Variants in CDH20 observed in about 807,000 individuals in gnomAD.
CDH20 encodes the protein cadherin 20, also known as cadherin-20.
Under a neutral mutation model 74.2 loss-of-function variants are expected in CDH20, and 29 were observed. That is an observed-to-expected ratio of 0.39 (90% CI 0.29 to 0.53). The LOEUF (loss-of-function observed/expected upper bound fraction) is 0.53. CDH20 is among the 20% of genes least tolerant of loss of function. CDH20 has a pLI of 0.69. For missense variants in CDH20, 988 were observed against 1,048.3 expected, an observed-to-expected ratio of 0.94 and a Z score of 0.79; for synonymous variants, 469 against 405.4, an observed-to-expected ratio of 1.16 and a Z score of -1.88.
intron 1 of CDH20, among the ~76,000 whole-genome samples, chr18:61,414,815 G>T (rs562284268): frequency 6.6e-6 from 1 of 151,834 alleles, no homozygotes; most frequent in South Asian, 2.1e-4. Flanking sequence ...ATTTATAATT[G>T]GATAGAATAT....
At chr18:61,529,092 A>C (rs1312222742) in intron 7 of CDH20, among the ~76,000 whole-genome samples, 1 of 152,210 alleles carries the variant, frequency 6.6e-6, no homozygotes, top group Non-Finnish European at 1.5e-5. Context: ...ACCAAAGTGC[A>C]AATAGTTGAT....
At chr18:61,498,463 G>C (rs911531273) in intron 2 of CDH20, among the ~76,000 whole-genome samples, 4 of 150,908 alleles carry the variant, frequency 2.7e-5, no homozygotes, top group African/African-American at 9.7e-5. Flanking sequence ...TCAGATAAAA[G>C]CATGTCCCTA....
At chr18:61,552,175 GTT>G (rs35819952) in intron 11 of CDH20, among the ~76,000 whole-genome samples, 113,168 of 149,990 alleles carry the variant, frequency 0.75, 42,951 homozygotes, top group East Asian at 0.87. Context: ...GACTTCCTGG[GTT>G]TTTTTTTTTC....
chr18:61,489,062 A>C (rs653271), intron 1 of CDH20, among the ~76,000 whole-genome samples: 11 of 152,258 alleles, frequency 7.2e-5, no homozygotes, highest in Non-Finnish European at 1.6e-4. Context: ...GCTGGAGCTC[A>C]TAAGAGGCAC....
At chr18:61,360,422 G>A (rs1258288392) in intron 1 of CDH20, among the ~76,000 whole-genome samples, 2 of 152,128 alleles carry the variant, frequency 1.3e-5, no homozygotes, top group Non-Finnish European at 2.9e-5. Context: ...AATACAAAAT[G>A]AAAGACCCAA....
intron 6 of CDH20, among the ~76,000 whole-genome samples, chr18:61,510,858 T>C (rs1315460249): frequency 2.0e-5 from 3 of 152,152 alleles, no homozygotes; most frequent in Non-Finnish European, 4.4e-5. Context: ...TGTCATAGGT[T>C]CCCCTACTAT....
intron 1 of CDH20, among the ~76,000 whole-genome samples, chr18:61,401,257 A>G (rs1244146218): frequency 6.6e-6 from 1 of 152,222 alleles, no homozygotes; most frequent in Non-Finnish European, 1.5e-5. Flanking sequence ...TTAAATTCCC[A>G]ACCTATCCTT....
intron 1 of CDH20, among the ~76,000 whole-genome samples, chr18:61,347,549 A>C (rs1248203685): frequency 6.2e-5 from 9 of 144,148 alleles, no homozygotes; most frequent in African/African-American, 5.4e-5. Context: ...CAAAAAAAAA[A>C]CCACACACAC....
intron 1 of CDH20, among the ~76,000 whole-genome samples, chr18:61,410,808 AT>A (rs1479137376): frequency 6.6e-6 from 1 of 152,248 alleles, no homozygotes; most frequent in African/African-American, 2.4e-5. Context: ...ATATGTAAGT[AT>A]TTTTATAATC....
chr18:61,404,985 T>C, intron 1 of CDH20: 1 of 710,872 alleles, frequency 1.4e-6, no homozygotes, highest in Admixed American at 1.8e-5. Context: ...ATTGCCACTG[T>C]AGTGATGGAC....
At chr18:61,417,578 TAAAAAAAAA>T (rs545256689) in intron 1 of CDH20, among the ~76,000 whole-genome samples, 15 of 62,344 alleles carry the variant, frequency 2.4e-4, no homozygotes, top group Admixed American at 9.1e-4. Flanking sequence ...ATGTGGGAGC[TAAAAAAAAA>T]AAAAAAAAAA....
chr18:61,539,687 T>C (rs1912957948), intron 9 of CDH20, among the ~76,000 whole-genome samples: 1 of 152,164 alleles, frequency 6.6e-6, no homozygotes, highest in Non-Finnish European at 1.5e-5. Flanking sequence ...TCAAAATATC[T>C]TGCAGTAGGA....
intron 1 of CDH20, among the ~76,000 whole-genome samples, chr18:61,485,855 C>T (rs560874): frequency 0.99 from 150,776 of 152,046 alleles, 74,775 homozygotes; most frequent in Middle Eastern, 1. Flanking sequence ...GGGCGGATCA[C>T]GAGGTCAGGA....
intron 1 of CDH20, among the ~76,000 whole-genome samples, chr18:61,376,995 C>A (rs1006555922): frequency 6.6e-6 from 1 of 152,056 alleles, no homozygotes; most frequent in Non-Finnish European, 1.5e-5. Context: ...GCTGATACGA[C>A]CAGAAAAGTA....
At position 61,474,275 on chromosome 18, in the gene CDH20, C is replaced by T. The variant is rs149722758; in HGVS notation, c.-152-16127C>T. 7.2e-5 allele frequency among the ~76,000 whole-genome samples: 11 copies of T among 152,314 alleles called. No individual in the cohort carries two copies. The East Asian group carries it at 2.1e-3, about 29-fold the overall frequency. On this transcript the variant is annotated intron_variant, in intron 1 of 11. Coordinates refer to ENST00000262717, the MANE Select transcript of CDH20 (RefSeq NM_031891.4). Reference sequence around the variant, plus strand: ...CTGCCACTGATTAACACTGTCTTCCCTGTTCCTGGTTCCTAAAGAGATGCT... The same window carrying T: ...CTGCCACTGATTAACACTGTCTTCCTTGTTCCTGGTTCCTAAAGAGATGCT...
intron 1 of CDH20, among the ~76,000 whole-genome samples, chr18:61,463,608 C>A (rs963183396): frequency 1.3e-5 from 2 of 152,072 alleles, no homozygotes; most frequent in South Asian, 2.1e-4. Context: ...GGAGGCTGTG[C>A]GTTGGGGGAG....
At chr18:61,400,028 G>A (rs1912105434) in intron 1 of CDH20, among the ~76,000 whole-genome samples, 1 of 152,072 alleles carries the variant, frequency 6.6e-6, no homozygotes, top group African/African-American at 2.4e-5. Context: ...TTACCTTAGT[G>A]TCTAAAAATA....
chr18:61,481,062 C>T (rs1056404155), intron 1 of CDH20, among the ~76,000 whole-genome samples: 2 of 152,076 alleles, frequency 1.3e-5, no homozygotes, highest in East Asian at 1.9e-4. Context: ...ACTTTTCTAC[C>T]GTTTAAAAAT....
At chr18:61,378,253 T>C (rs1260055952) in intron 1 of CDH20, among the ~76,000 whole-genome samples, 1 of 152,206 alleles carries the variant, frequency 6.6e-6, no homozygotes, top group Non-Finnish European at 1.5e-5. Context: ...GCCATGGTAC[T>C]CTAGTGAAAC....
Sources: gnomAD v4.1 joint callset for allele counts (sites outside exome capture counted in the v4.1 genomes callset) on GRCh38, gnomAD v4.1.1 for gene constraint, MANE v1.5 for transcripts, NCBI Gene and HGNC (gene_info 2026-07-23, HGNC 2026-07-21) for gene names.